SESN3: variants seen among roughly 807,000 people sequenced by gnomAD.
SESN3 encodes sestrin 3.
SESN3 carries 21 observed loss-of-function variants against 55.3 expected under a neutral mutation model. The observed-to-expected ratio is 0.38, with a 90% CI of 0.27 to 0.55. The LOEUF is 0.55. Ranked by LOEUF, SESN3 falls within the 20% of genes least tolerant of loss-of-function variation. SESN3 has a pLI of 0.76. For synonymous variants in SESN3, 181 were observed against 203.1 expected, an observed-to-expected ratio of 0.89 and a Z score of 0.93; for missense variants, 408 against 604.3, an observed-to-expected ratio of 0.68 and a Z score of 3.41.
chr11:95,229,227 A>G (rs1401658151), intron 1 of SESN3, among the ~76,000 whole-genome samples: 4 of 152,252 alleles, frequency 2.6e-5, no homozygotes, highest in African/African-American at 9.6e-5. Context: ...AGCTAAGTTC[A>G]GATGACATCT....
intron 1 of SESN3, among the ~76,000 whole-genome samples, chr11:95,195,012 T>C (rs1591059288): frequency 6.6e-6 from 1 of 152,014 alleles, no homozygotes; most frequent in South Asian, 2.1e-4. Flanking sequence ...ACAAAGCAGC[T>C]GGAAAAACTG....
At chr11:95,191,717 T>C in intron 2 of SESN3, 116 bp from the exon 3 acceptor site, 1 of 723,682 alleles carries the variant, frequency 1.4e-6, no homozygotes. Flanking sequence ...TAACAGACAC[T>C]GAAATTATGC....
intron 1 of SESN3, among the ~76,000 whole-genome samples, chr11:95,211,374 A>G (rs969975339): frequency 7.2e-5 from 11 of 152,244 alleles, no homozygotes; most frequent in Admixed American, 5.9e-4. Flanking sequence ...CCATGACCCA[A>G]GAGTGGCAGT....
At chr11:95,217,105 C>CAAA (rs61672704) in intron 1 of SESN3, among the ~76,000 whole-genome samples, 2 of 106,626 alleles carry the variant, frequency 1.9e-5, no homozygotes, top group Non-Finnish European at 2.0e-5. Flanking sequence ...GACTCTGTCT[C>CAAA]AAAAAAAAAA....
In SESN3 at chr11:95,171,421, C is replaced by G. The variant is rs1048703178; in HGVS notation, c.*1834G>C. 3 of 152,020 alleles carry G rather than the reference C, an allele frequency of 2.0e-5. No homozygotes were observed. The highest frequency in any genetic ancestry group is 7.2e-5 in the African/African-American group (3 of 41,398). The allele number at this position is 152,020 out of a possible 1,614,324, so 9.4% of individuals were successfully genotyped here. A position where few individuals can be genotyped will look rare whatever the true frequency, so the allele number is the denominator to read the frequency against. On this transcript the variant is annotated 3_prime_UTR_variant, in exon 10 of 10. Coordinates refer to ENST00000536441, the MANE Select transcript of SESN3 (RefSeq NM_144665.4). ...AAGATTTCAAACAGGATCCTGGAAT[C>G]CAAAAATGCAGAACTACCTTATGTT...
At chr11:95,220,077 A>C (rs1389478271) in intron 1 of SESN3, among the ~76,000 whole-genome samples, 2 of 152,108 alleles carry the variant, frequency 1.3e-5, no homozygotes, top group Non-Finnish European at 2.9e-5. Flanking sequence ...AAGACTGGAA[A>C]CTCTTCCAGA....
intron 1 of SESN3, among the ~76,000 whole-genome samples, chr11:95,228,719 T>C (rs960242591): frequency 9.2e-5 from 14 of 152,338 alleles, no homozygotes; most frequent in South Asian, 6.2e-4. Context: ...AGTTATTTCA[T>C]GCCACTGCAT....
At chr11:95,192,330 A>C (rs1446444044) in intron 2 of SESN3, among the ~76,000 whole-genome samples, 1 of 152,114 alleles carries the variant, frequency 6.6e-6, no homozygotes, top group Non-Finnish European at 1.5e-5. Flanking sequence ...CTGGTTCTGA[A>C]GGTGTTAAGA....
At chr11:95,186,481 T>C (rs1031840756) in intron 4 of SESN3, among the ~76,000 whole-genome samples, 9 of 151,768 alleles carry the variant, frequency 5.9e-5, no homozygotes, top group Admixed American at 3.3e-4. Flanking sequence ...CCAGGGGAGA[T>C]AGGAAAAGAT....
At chr11:95,225,607 T>C (rs1860934388) in intron 1 of SESN3, among the ~76,000 whole-genome samples, 2 of 152,196 alleles carry the variant, frequency 1.3e-5, no homozygotes, top group South Asian at 4.1e-4. Flanking sequence ...TTATTAGTTG[T>C]ATGACTGAGA....
rs968591815 is a variant in SESN3 at position 95,230,388 on chromosome 11, G to A, written c.78+395C>T. 4 of 176,580 alleles carry A rather than the reference G, an allele frequency of 2.3e-5. No homozygotes were observed. In the Admixed American group the frequency reaches 2.5e-4, roughly 11 times the overall value. The allele number at this position is 176,580 out of a possible 1,614,324, so 10.9% of individuals were successfully genotyped here. The stretch of plus-strand genomic sequence containing the variant: ...GCCAGGTTCCTCGGGATCCGACCCA[G>A]CTGCTCTGATTTCACACCGACCTCC... On this transcript the variant is annotated intron_variant, in intron 1 of 9. Coordinates refer to ENST00000536441, the MANE Select transcript of SESN3 (RefSeq NM_144665.4). The surrounding 1 kb of genome is among the most constrained non-coding windows in gnomAD (Gnocchi z 4.6).
chr11:95,172,389 G>C lies in SESN3; in HGVS notation c.*866C>G, dbSNP rs750435434. On this transcript the variant is annotated 3_prime_UTR_variant, in exon 10 of 10. Transcript: ENST00000536441. Reference sequence around the variant, plus strand: ...TTTTGGTCAGTCTTGTGTGGGTACAGGTTTATATGTGCCAACTAAATGAAC... The same window carrying C: ...TTTTGGTCAGTCTTGTGTGGGTACACGTTTATATGTGCCAACTAAATGAAC... 2 of 152,158 alleles carry C rather than the reference G, an allele frequency of 1.3e-5. No individual in the cohort carries two copies. Among genetic ancestry groups the C allele is most frequent in the Non-Finnish European group, 2.9e-5 (2 of 67,998 alleles). The allele number at this position is 152,158 out of a possible 1,614,324, so 9.4% of individuals were successfully genotyped here. A position where few individuals can be genotyped will look rare whatever the true frequency, so the allele number is the denominator to read the frequency against.
In SESN3 at chr11:95,170,080, A is replaced by C. The variant is rs1859821023; in HGVS notation, c.*3175T>G. The C allele has an allele frequency of 6.6e-6, 1 of 152,174 alleles. No individual in the cohort carries two copies. The allele number at this position is 152,174 out of a possible 1,614,324, so 9.4% of individuals were successfully genotyped here. A position where few individuals can be genotyped will look rare whatever the true frequency, so the allele number is the denominator to read the frequency against. On this transcript the variant is annotated 3_prime_UTR_variant, in exon 10 of 10. Coordinates refer to ENST00000536441, the MANE Select transcript of SESN3 (RefSeq NM_144665.4). ...GGGACAAATTCATACTGGGACTGAG[A>C]CAATGTACTTAGTTCAAAAAGGGGA...
At chr11:95,178,088 G>A (rs550637975) in intron 7 of SESN3, among the ~76,000 whole-genome samples, 179 bp from the exon 8 acceptor site, 6 of 152,200 alleles carry the variant, frequency 3.9e-5, no homozygotes, top group African/African-American at 1.4e-4. Flanking sequence ...CAGAGTGTCT[G>A]GATGTTTCTT....
In SESN3 at chr11:95,230,526, G is replaced by C. The variant is rs1448331272; in HGVS notation, c.78+257C>G. ...GAAATGAGCCGTAAAGGAGAGCAAA[G>C]GCACCAAATAAAAGGAACAAGGGAA... On this transcript the variant is annotated intron_variant, in intron 1 of 9. Coordinates refer to ENST00000536441, the MANE Select transcript of SESN3 (RefSeq NM_144665.4). This position sits in a 1 kb window ranked among gnomAD's most constrained non-coding sequence, Gnocchi z 4.6. 6.3e-6 allele frequency: 3 copies of C among 475,850 alleles called. No individual in the cohort carries two copies. The highest frequency in any genetic ancestry group is 1.1e-5 in the Non-Finnish European group (3 of 268,472). 29.5% of individuals were successfully genotyped at this position (475,850 alleles called of 1,614,324 possible).
chr11:95,183,806 G>A (rs1190347788), intron 6 of SESN3, among the ~76,000 whole-genome samples: 12 of 151,286 alleles, frequency 7.9e-5, no homozygotes, highest in African/African-American at 2.9e-4. Context: ...AGTTGTAATT[G>A]AAAAGTTTAT....
chr11:95,226,304 T>C (rs1162006454), intron 1 of SESN3, among the ~76,000 whole-genome samples: 4 of 152,176 alleles, frequency 2.6e-5, no homozygotes, highest in Admixed American at 2.6e-4. Flanking sequence ...CAAGTAAAAA[T>C]TATCAACATT....
At chr11:95,217,292 G>A (rs796951985) in intron 1 of SESN3, among the ~76,000 whole-genome samples, 12 of 152,148 alleles carry the variant, frequency 7.9e-5, no homozygotes, top group African/African-American at 2.9e-4. Context: ...TCATAAAACT[G>A]CACAACTATA....
chr11:95,204,218 C>T (rs1860507440), intron 1 of SESN3, among the ~76,000 whole-genome samples: 1 of 152,080 alleles, frequency 6.6e-6, no homozygotes, highest in African/African-American at 2.4e-5. Context: ...TATGAAGCTT[C>T]ATTACACTAT....
Sources: gnomAD v4.1 joint callset for allele counts (sites outside exome capture counted in the v4.1 genomes callset) on GRCh38, gnomAD v4.1.1 for gene constraint, Gnocchi (gnomAD v3.1) non-coding constraint, MANE v1.5 for transcripts, NCBI Gene and HGNC (gene_info 2026-07-23, HGNC 2026-07-21) for gene names.